Variants in GPC5 observed in about 807,000 individuals in gnomAD.
GPC5 encodes glypican-5.
In GPC5, 47 loss-of-function variants were observed where a neutral mutation model predicts 53.9. The ratio of observed to expected loss-of-function variants is 0.87; its 90% CI spans 0.69 to 1.11. The LOEUF is 1.11. GPC5 is among the 50% of genes most tolerant of loss of function. The probability of loss-of-function intolerance (pLI) is 0.00; values close to 1 mark genes in which losing one functional copy is unlikely to be tolerated. For synonymous variants in GPC5, 286 were observed against 263.3 expected, an observed-to-expected ratio of 1.09 and a Z score of -0.84; for missense variants, 748 against 713.1, an observed-to-expected ratio of 1.05 and a Z score of -0.56.
At chr13:92,577,352 A>G (rs1447515674) in intron 7 of GPC5, among the ~76,000 whole-genome samples, 2 of 152,118 alleles carry the variant, frequency 1.3e-5, no homozygotes, top group East Asian at 1.9e-4. Flanking sequence ...GAGCAATAAT[A>G]TGTTCCAAAT....
intron 7 of GPC5, among the ~76,000 whole-genome samples, chr13:92,291,170 G>A (rs1312212347): frequency 1.3e-5 from 2 of 152,118 alleles, no homozygotes; most frequent in Non-Finnish European, 2.9e-5. Context: ...TCCCCGAGGA[G>A]CGCCACCCCC....
chr13:91,530,627 C>T (rs1440199646), intron 2 of GPC5, among the ~76,000 whole-genome samples: 1 of 152,104 alleles, frequency 6.6e-6, no homozygotes, highest in Non-Finnish European at 1.5e-5. Context: ...ATCTTTTCAA[C>T]CTATTTAATA....
At chr13:91,784,947 T>C (rs564648381) in intron 5 of GPC5, among the ~76,000 whole-genome samples, 1 of 152,342 alleles carries the variant, frequency 6.6e-6, no homozygotes, top group South Asian at 2.1e-4. Flanking sequence ...GACCTCTGAT[T>C]GCTAAGCCCA....
At chr13:92,497,295 A>G (rs1880014758) in intron 7 of GPC5, among the ~76,000 whole-genome samples, 1 of 152,070 alleles carries the variant, frequency 6.6e-6, no homozygotes, top group Non-Finnish European at 1.5e-5. Context: ...AGGTGTAAGG[A>G]AGAGGTCTAG....
intron 7 of GPC5, among the ~76,000 whole-genome samples, chr13:92,280,557 T>C (rs1433343226): frequency 6.6e-6 from 1 of 152,206 alleles, no homozygotes; most frequent in Non-Finnish European, 1.5e-5. Flanking sequence ...TTTCCATTTT[T>C]ATTTATCTCA....
At chr13:92,234,249 G>T (rs925045409) in intron 7 of GPC5, among the ~76,000 whole-genome samples, 1 of 152,130 alleles carries the variant, frequency 6.6e-6, no homozygotes, top group African/African-American at 2.4e-5. Flanking sequence ...CTTCCACAAT[G>T]GTTGAACTAG....
chr13:91,613,569 C>T (rs142814622), intron 2 of GPC5, among the ~76,000 whole-genome samples: 19 of 152,088 alleles, frequency 1.2e-4, no homozygotes, highest in African/African-American at 2.9e-4. Flanking sequence ...TAGGAATGTG[C>T]GTTATTCGCA....
intron 5 of GPC5, among the ~76,000 whole-genome samples, chr13:91,800,693 T>A (rs2038120280): frequency 6.6e-6 from 1 of 152,170 alleles, no homozygotes; most frequent in Non-Finnish European, 1.5e-5. Context: ...AAAAGCAGAT[T>A]GTGCAATTTT....
intron 4 of GPC5, among the ~76,000 whole-genome samples, chr13:91,739,880 C>T (rs1272173622): frequency 6.6e-6 from 1 of 151,384 alleles, no homozygotes; most frequent in Non-Finnish European, 1.5e-5. Context: ...GACTGGCTCT[C>T]ATCCATCTCA....
intron 7 of GPC5, among the ~76,000 whole-genome samples, chr13:92,414,973 G>T (rs560966643): frequency 6.6e-6 from 1 of 152,146 alleles, no homozygotes; most frequent in East Asian, 1.9e-4. Flanking sequence ...TCAGACCATA[G>T]CAAGGGGTTT....
At chr13:92,861,104 A>T (rs1363902446) in intron 7 of GPC5, among the ~76,000 whole-genome samples, 1 of 152,102 alleles carries the variant, frequency 6.6e-6, no homozygotes, top group Non-Finnish European at 1.5e-5. Flanking sequence ...GTGCTATCAA[A>T]ATACATTTTT....
chr13:92,390,084 A>G (rs1421738627), intron 7 of GPC5, among the ~76,000 whole-genome samples: 1 of 152,162 alleles, frequency 6.6e-6, no homozygotes, highest in Non-Finnish European at 1.5e-5. Context: ...TTTAATGACC[A>G]TAGGTGGTCA....
At chr13:91,585,161 A>G (rs1471711864) in intron 2 of GPC5, among the ~76,000 whole-genome samples, 2 of 152,202 alleles carry the variant, frequency 1.3e-5, no homozygotes. Flanking sequence ...GATTGCCAAT[A>G]CTAAATGTTG....
chr13:92,371,595 T>G (rs943489353), intron 7 of GPC5, among the ~76,000 whole-genome samples: 7 of 152,150 alleles, frequency 4.6e-5, no homozygotes, highest in Admixed American at 2.6e-4. Context: ...AGGAAACTTA[T>G]GATCATGGTG....
At chr13:92,506,113 T>C (rs1033547180) in intron 7 of GPC5, among the ~76,000 whole-genome samples, 5 of 152,226 alleles carry the variant, frequency 3.3e-5, no homozygotes, top group Non-Finnish European at 7.4e-5. Flanking sequence ...TTTTATTGAG[T>C]ATTAACTTAA....
intron 6 of GPC5, among the ~76,000 whole-genome samples, chr13:91,972,435 G>T (rs1321143982): frequency 1.3e-5 from 2 of 152,076 alleles, no homozygotes; most frequent in Non-Finnish European, 2.9e-5. Context: ...GCCAGTCTGT[G>T]TCTTTTAATT....
At chr13:92,755,456 A>G (rs544227903) in intron 7 of GPC5, among the ~76,000 whole-genome samples, 1 of 151,850 alleles carries the variant, frequency 6.6e-6, no homozygotes, top group East Asian at 2.0e-4. Context: ...AAAAGCTAGC[A>G]GAAGGCAAGA....
At chr13:92,212,079 CAAAA>C (rs769337977) in intron 7 of GPC5, among the ~76,000 whole-genome samples, 13 of 67,346 alleles carry the variant, frequency 1.9e-4, no homozygotes, top group African/African-American at 6.0e-4. Context: ...CACAATAAAG[CAAAA>C]AAAAAAAAAA....
intron 6 of GPC5, among the ~76,000 whole-genome samples, chr13:91,975,391 C>T (rs1262467890): frequency 6.6e-6 from 1 of 151,928 alleles, no homozygotes; most frequent in Non-Finnish European, 1.5e-5. Flanking sequence ...GGCTAATATC[C>T]AGAATCTACA....
Sources: gnomAD v4.1 joint callset for allele counts (sites outside exome capture counted in the v4.1 genomes callset) on GRCh38, gnomAD v4.1.1 for gene constraint, MANE v1.5 for transcripts, NCBI Gene and HGNC (gene_info 2026-07-23, HGNC 2026-07-21) for gene names.